CFDP1: variants seen among roughly 807,000 people sequenced by gnomAD.
CFDP1 encodes chromatin remodeling protein CFDP1.
CFDP1 carries 31 observed loss-of-function variants against 40.1 expected under a neutral mutation model. The observed-to-expected ratio is 0.77, with a 90% CI of 0.58 to 1.04. The LOEUF is 1.04. Among genes scored for constraint, CFDP1 ranks in the 50% least tolerant of loss-of-function variants. The pLI, the probability that CFDP1 is intolerant of heterozygous loss-of-function variation, is 0.00. For missense variants in CFDP1, 423 were observed against 343.4 expected (o/e 1.23, Z -1.83); for synonymous variants, 167 against 120.0 (o/e 1.39, Z -2.56).
intron 1 of CFDP1, among the ~76,000 whole-genome samples, chr16:75,425,939 G>A (rs1052771437): frequency 5.4e-5 from 8 of 148,290 alleles, no homozygotes; most frequent in African/African-American, 1.7e-4. Flanking sequence ...GGGAAGCTGA[G>A]GCAGGAGAAT....
Position 75,341,997 on chromosome 16 carries a change from AT to A in CFDP1, c.651-36816del, listed in dbSNP as rs541585175. Among the ~76,000 whole-genome samples, 436 of 152,256 alleles carry A rather than the reference AT, an allele frequency of 2.9e-3. 1 individual carries two copies. Among genetic ancestry groups the A allele is most frequent in the Non-Finnish European group, 4.7e-3 (320 of 68,012 alleles). The stretch of plus-strand genomic sequence containing the variant: ...CTTTCTCTTCTAAAACTCCAGTGGC[AT>A]TTTATTAATTCCTAATATTTGTATA... On this transcript the variant is annotated intron_variant, in intron 5 of 6. Transcript: ENST00000283882.
In CFDP1 at chr16:75,393,022, G is replaced by C. The variant is rs180680552; in HGVS notation, c.650+2068C>G. Among the ~76,000 whole-genome samples, 15 of 152,294 alleles carry C rather than the reference G, an allele frequency of 9.8e-5. No homozygotes were observed. The East Asian group carries it at 2.9e-3, about 29-fold the overall frequency. Reference sequence around the variant, plus strand: ...GAAGTAGCCCCATCCACATGTCCTGGCATTCAGTGCCATGATACATGCTGA... The same window carrying C: ...GAAGTAGCCCCATCCACATGTCCTGCCATTCAGTGCCATGATACATGCTGA... On this transcript the variant is annotated intron_variant, in intron 5 of 6. Transcript: ENST00000283882.
At chr16:75,374,210 G>C (rs890836838) in intron 5 of CFDP1, among the ~76,000 whole-genome samples, 1 of 151,756 alleles carries the variant, frequency 6.6e-6, no homozygotes, top group Non-Finnish European at 1.5e-5. Flanking sequence ...CCGAGATCGC[G>C]CCACTGCACT....
chr16:75,419,014 G>A (rs781676429), intron 1 of CFDP1: 8 of 339,372 alleles, frequency 2.4e-5, no homozygotes, highest in Admixed American at 7.1e-5. Context: ...ATGGTGGCAC[G>A]CACCTGTAGT....
chr16:75,418,252 CAAAAAA>C (rs34789992), intron 1 of CFDP1, among the ~76,000 whole-genome samples: 1 of 57,008 alleles, frequency 1.8e-5, no homozygotes, highest in Non-Finnish European at 3.0e-5. Flanking sequence ...AACTCTGTCT[CAAAAAA>C]AAAAAAAAAA....
intron 5 of CFDP1, among the ~76,000 whole-genome samples, chr16:75,318,343 A>G (rs1373965812): frequency 6.6e-6 from 1 of 152,080 alleles, no homozygotes; most frequent in Non-Finnish European, 1.5e-5. Flanking sequence ...CAGAAGATCA[A>G]TATGCCTCAG....
chr16:75,377,746 C>T (rs531463711), intron 5 of CFDP1, among the ~76,000 whole-genome samples: 20 of 152,326 alleles, frequency 1.3e-4, no homozygotes, highest in African/African-American at 4.6e-4. Flanking sequence ...GAGGTTCACT[C>T]AGTTCTATTG....
intron 5 of CFDP1, among the ~76,000 whole-genome samples, chr16:75,307,813 G>T (rs1339229054): frequency 1.3e-5 from 2 of 152,118 alleles, no homozygotes; most frequent in African/African-American, 4.8e-5. Context: ...TCCTGCCTTG[G>T]CCTCCCGAAG....
intron 5 of CFDP1, among the ~76,000 whole-genome samples, chr16:75,332,238 G>A (rs1455510958): frequency 2.6e-5 from 4 of 152,180 alleles, no homozygotes; most frequent in Non-Finnish European, 5.9e-5. Flanking sequence ...GCCGAGGTGG[G>A]CGGATCACCT....
chr16:75,307,970 C>A (rs536631521), intron 5 of CFDP1, among the ~76,000 whole-genome samples: 1 of 152,322 alleles, frequency 6.6e-6, no homozygotes, highest in East Asian at 1.9e-4. Flanking sequence ...GAACACTGAT[C>A]TTTTCTTTAG....
At chr16:75,352,489 A>C (rs1281445963) in intron 5 of CFDP1, among the ~76,000 whole-genome samples, 1 of 152,244 alleles carries the variant, frequency 6.6e-6, no homozygotes, top group Admixed American at 6.5e-5. Flanking sequence ...ATAAATGAAG[A>C]AATGATAAAA....
chr16:75,347,870 G>A (rs1006397280), intron 5 of CFDP1, among the ~76,000 whole-genome samples: 2 of 152,050 alleles, frequency 1.3e-5, no homozygotes, highest in Admixed American at 6.6e-5. Context: ...CTCATCATGC[G>A]AAATCACGAA....
chr16:75,431,751 G>C (rs1567687333), intron 1 of CFDP1, among the ~76,000 whole-genome samples: 2 of 152,198 alleles, frequency 1.3e-5, no homozygotes, highest in African/African-American at 2.4e-5. Context: ...GTGTGTTTGG[G>C]ATGAGGGGAA....
At chr16:75,296,425 T>G (rs963186846) in intron 6 of CFDP1, among the ~76,000 whole-genome samples, 1 of 152,008 alleles carries the variant, frequency 6.6e-6, no homozygotes, top group Non-Finnish European at 1.5e-5. Flanking sequence ...TTTGTAAAGA[T>G]AGGGTCTCTC....
chr16:75,433,441 G>C lies in CFDP1; in HGVS notation c.-89C>G, dbSNP rs887141875. The C allele has an allele frequency of 2.2e-6, 3 of 1,366,888 alleles. No homozygotes were observed. The highest frequency in any genetic ancestry group is 2.9e-5 in the African/African-American group (2 of 69,402). The allele number at this position is 1,366,888 out of a possible 1,614,324, so 84.7% of individuals were successfully genotyped here. A position where few individuals can be genotyped will look rare whatever the true frequency, so the allele number is the denominator to read the frequency against. On this transcript the variant is annotated 5_prime_UTR_variant, in exon 1 of 7. Transcript: ENST00000283882. Reference sequence around the variant, plus strand: ...TCTAGGGAGAGACCATAGAGCCCCGGCGGCGGCGACGGCAGCTAGGGCGGC... The same window carrying C: ...TCTAGGGAGAGACCATAGAGCCCCGCCGGCGGCGACGGCAGCTAGGGCGGC...
chr16:75,376,621 T>C (rs1032943872), intron 5 of CFDP1, among the ~76,000 whole-genome samples: 2 of 152,196 alleles, frequency 1.3e-5, no homozygotes, highest in African/African-American at 2.4e-5. Context: ...ATGAGGGAAC[T>C]TTCTGGAGTG....
intron 5 of CFDP1, among the ~76,000 whole-genome samples, chr16:75,352,948 C>T (rs911429900): frequency 1.3e-5 from 2 of 152,150 alleles, no homozygotes; most frequent in African/African-American, 4.8e-5. Flanking sequence ...ATCTGATTGT[C>T]TTCCGATAAA....
chr16:75,303,567 C>G lies in CFDP1; in HGVS notation c.809+1457G>C, dbSNP rs549321997. On this transcript the variant is annotated intron_variant, in intron 6 of 6. Coordinates refer to ENST00000283882, the MANE Select transcript of CFDP1 (RefSeq NM_006324.3). ...GAATGAGCTGGGTGCAGGGGTGTGC[C>G]CCTGTAGTCCTAGCTACATAGGAGG... 2.0e-4 allele frequency among the ~76,000 whole-genome samples: 28 copies of G among 140,206 alleles called. No homozygotes were observed. The South Asian group carries it at 2.8e-3, about 14-fold the overall frequency. The allele number at this position is 140,206 out of a possible 152,430, so 92.0% of individuals were successfully genotyped here. A position where few individuals can be genotyped will look rare whatever the true frequency, so the allele number is the denominator to read the frequency against.
intron 1 of CFDP1, among the ~76,000 whole-genome samples, chr16:75,428,083 G>A (rs1027190393): frequency 2.6e-5 from 4 of 152,014 alleles, no homozygotes; most frequent in South Asian, 2.1e-4. Context: ...GGCTGGGGCC[G>A]GGGGTGAGGG....
Sources: gnomAD v4.1 joint callset for allele counts (sites outside exome capture counted in the v4.1 genomes callset) on GRCh38, gnomAD v4.1.1 for gene constraint, MANE v1.5 for transcripts, NCBI Gene and HGNC (gene_info 2026-07-23, HGNC 2026-07-21) for gene names.